The following ZBTB46 variants were observed in gnomAD, a reference collection of about 807,000 sequenced individuals.
ZBTB46 encodes zinc finger and BTB domain containing 46.
ZBTB46 carries 8 observed loss-of-function variants against 44.1 expected under a neutral mutation model. The ratio of observed to expected loss-of-function variants is 0.18; its 90% CI spans 0.11 to 0.33. The LOEUF (loss-of-function observed/expected upper bound fraction) is 0.33. ZBTB46 is among the 10% of genes least tolerant of loss of function. The pLI is 1.00. For missense variants in ZBTB46, 651 were observed against 847.7 expected (o/e 0.77, Z 2.88); for synonymous variants, 409 against 382.3 (o/e 1.07, Z -0.81).
In ZBTB46 at chr20:63,752,977, C is replaced by T; in HGVS notation, c.1223-116G>A. ...GCCAGGACGGGCTGTCTCCCACGGCCACCCACTGGGGGCTGGTCAGCACTG... is the reference window on the plus strand; with the variant it reads ...GCCAGGACGGGCTGTCTCCCACGGCTACCCACTGGGGGCTGGTCAGCACTG... On this transcript the variant is annotated intron_variant, in intron 3 of 4. Transcript: ENST00000245663. This position sits in a 1 kb window ranked among gnomAD's most constrained non-coding sequence, Gnocchi z 5.6. 1 of 1,176,286 alleles carries T rather than the reference C, an allele frequency of 8.5e-7. No homozygotes were observed. The highest frequency in any genetic ancestry group is 1.2e-6 in the Non-Finnish European group (1 of 855,660). 72.9% of individuals were successfully genotyped at this position (1,176,286 alleles called of 1,614,324 possible).
intron 1 of ZBTB46, among the ~76,000 whole-genome samples, chr20:63,822,368 A>G (rs1260136572): frequency 4.6e-5 from 7 of 152,204 alleles, no homozygotes; most frequent in Non-Finnish European, 7.3e-5. Flanking sequence ...CGGGCCCCCA[A>G]TGAGAAAAGC....
At chr20:63,774,510 G>C (rs6122166) in intron 3 of ZBTB46, among the ~76,000 whole-genome samples, 84,767 of 151,698 alleles carry the variant, frequency 0.56, 23,765 homozygotes, top group Admixed American at 0.63. Context: ...CCGCGGAGGT[G>C]GGGGCATCTC....
intron 1 of ZBTB46, among the ~76,000 whole-genome samples, chr20:63,794,612 C>T (rs1010535244): frequency 6.6e-6 from 1 of 152,196 alleles, no homozygotes; most frequent in Admixed American, 6.5e-5. Flanking sequence ...ATTTCAAATT[C>T]AATAATCTCT....
In ZBTB46 at chr20:63,743,964, T is replaced by C. The variant is rs2092061625; in HGVS notation, c.*2966A>G. On this transcript the variant is annotated 3_prime_UTR_variant, in exon 5 of 5. Transcript: ENST00000245663. Reference sequence around the variant, plus strand: ...ATTATCCCCAGAAAAAAATCAACAATCTTCAAACACTGCCCTTTTTTTGTG... The same window carrying C: ...ATTATCCCCAGAAAAAAATCAACAACCTTCAAACACTGCCCTTTTTTTGTG... 6.6e-6 allele frequency: 1 copy of C among 152,616 alleles called. No individual in the cohort carries two copies. The allele number at this position is 152,616 out of a possible 1,614,324, so 9.5% of individuals were successfully genotyped here.
intron 2 of ZBTB46, among the ~76,000 whole-genome samples, chr20:63,779,472 T>G (rs2092452106): frequency 7.2e-6 from 1 of 139,086 alleles, no homozygotes. Flanking sequence ...CAGGCTGGAG[T>G]GCAGTGGCAT....
rs2092181259 is a variant in ZBTB46, at chr20:63,752,713, C to T, written c.1371G>A (p.Arg457=). 2 of 1,602,486 alleles carry T rather than the reference C, an allele frequency of 1.2e-6. No individual in the cohort carries two copies. Among genetic ancestry groups the T allele is most frequent in the African/African-American group, 1.3e-5 (1 of 74,818 alleles). ...PCEICGKKFT[R]REHMKRHTLV... ...GCGTGTGGCGCTTCATGTGCTCGCGCCGCGTGAACTTCTTCCCGCAGATCT... is the reference window on the plus strand; with the variant it reads ...GCGTGTGGCGCTTCATGTGCTCGCGTCGCGTGAACTTCTTCCCGCAGATCT... The change falls in exon 4 of 5, where the codon CGG becomes CGA. Residue 457 remains arginine, a synonymous_variant. Transcript: ENST00000245663. The surrounding 1 kb of genome is among the most constrained non-coding windows in gnomAD (Gnocchi z 5.6).
At position 63,803,004 on chromosome 20, in the gene ZBTB46, C is replaced by G. The variant is rs2092659052; in HGVS notation, c.-33-12214G>C. Among the ~76,000 whole-genome samples the G allele has an allele frequency of 6.6e-6, 1 of 152,180 alleles. No individual in the cohort carries two copies. On this transcript the variant is annotated intron_variant, in intron 1 of 4. Coordinates refer to ENST00000245663, the MANE Select transcript of ZBTB46 (RefSeq NM_001369741.1). This position sits in a 1 kb window ranked among gnomAD's most constrained non-coding sequence, Gnocchi z 4.0. Reference sequence around the variant, plus strand: ...ATGGCAGCCCCAGGTCACTGACGCCCCGTTTCTACCACCAAAGAGCGCGAT... The same window carrying G: ...ATGGCAGCCCCAGGTCACTGACGCCGCGTTTCTACCACCAAAGAGCGCGAT...
chr20:63,832,800 G>A (rs936461161), upstream of ZBTB46, among the ~76,000 whole-genome samples: 1 of 152,150 alleles, frequency 6.6e-6, no homozygotes, highest in Non-Finnish European at 1.5e-5. The surrounding 1 kb of genome is among the most constrained non-coding windows in gnomAD (Gnocchi z 5.0). Context: ...CGGGAAGTGG[G>A]GGCTGAGCAC....
intron 1 of ZBTB46, among the ~76,000 whole-genome samples, chr20:63,799,020 C>T (rs2092624333): frequency 6.6e-6 from 1 of 151,884 alleles, no homozygotes; most frequent in Admixed American, 6.6e-5. Context: ...CTGCTCTCCA[C>T]AATTATTTTG....
chr20:63,831,010 CCCCGGCTCCCGGCT>C (rs905352437), intron 1 of ZBTB46, 73 bp downstream of exon 1: 7 of 142,478 alleles, frequency 4.9e-5, no homozygotes, highest in African/African-American at 1.5e-4. Flanking sequence ...CTCGCAGCGG[CCCCGGCTCCCGGCT>C]CCCGGCTCCG....
intron 2 of ZBTB46, among the ~76,000 whole-genome samples, chr20:63,777,876 C>T (rs753451688): frequency 1.3e-5 from 2 of 152,132 alleles, no homozygotes; most frequent in Non-Finnish European, 2.9e-5. Flanking sequence ...GCTCAGCGGA[C>T]GAAGCCAGAC....
At position 63,746,510 on chromosome 20, in the gene ZBTB46, T is replaced by C. The variant is rs955109819; in HGVS notation, c.*420A>G. On this transcript the variant is annotated 3_prime_UTR_variant, in exon 5 of 5. Coordinates refer to ENST00000245663, the MANE Select transcript of ZBTB46 (RefSeq NM_001369741.1). The stretch of plus-strand genomic sequence containing the variant: ...GCGGGCTCCAGCCGGGCTGACCGGG[T>C]GTCTGTAAAACTCTGCACCTGCTCA... The C allele has an allele frequency of 1.2e-4, 20 of 171,778 alleles. No homozygotes were observed. Among genetic ancestry groups the C allele is most frequent in the Middle Eastern group, 2.6e-3 (1 of 392 alleles). 10.6% of individuals were successfully genotyped at this position (171,778 alleles called of 1,614,324 possible).
intron 3 of ZBTB46, among the ~76,000 whole-genome samples, chr20:63,770,617 C>T (rs1468055204): frequency 6.6e-6 from 1 of 152,226 alleles, no homozygotes; most frequent in Non-Finnish European, 1.5e-5. Flanking sequence ...TGCTGGCCTG[C>T]TGCCTGCATA....
At chr20:63,765,270 A>G (rs1233800896) in intron 3 of ZBTB46, among the ~76,000 whole-genome samples, 1 of 152,030 alleles carries the variant, frequency 6.6e-6, no homozygotes, top group Non-Finnish European at 1.5e-5. Flanking sequence ...CTATCTGTAC[A>G]CTGCCGTCCG....
At chr20:63,795,576 G>A (rs1057161616) in intron 1 of ZBTB46, among the ~76,000 whole-genome samples, 1 of 152,224 alleles carries the variant, frequency 6.6e-6, no homozygotes, top group Non-Finnish European at 1.5e-5. Context: ...CGAACTGAGG[G>A]CCTCAAAACC....
At chr20:63,791,495 C>CAAAAAA (rs59810640) in intron 1 of ZBTB46, among the ~76,000 whole-genome samples, 2 of 61,180 alleles carry the variant, frequency 3.3e-5, no homozygotes, top group Admixed American at 1.7e-4. Context: ...GACTCCATCT[C>CAAAAAA]AAAAAAAAAA....
intron 2 of ZBTB46, among the ~76,000 whole-genome samples, chr20:63,779,774 G>C (rs2092454549): frequency 6.6e-6 from 1 of 151,668 alleles, no homozygotes; most frequent in Non-Finnish European, 1.5e-5. Context: ...TGGTCAGGCT[G>C]GTCTCAAACT....
In ZBTB46 at chr20:63,790,038, C is replaced by T; in HGVS notation, c.720G>A (p.Gly240=). The T allele has an allele frequency of 6.2e-7, 1 of 1,614,008 alleles. No individual in the cohort carries two copies. Among genetic ancestry groups the T allele is most frequent in the Non-Finnish European group, 8.5e-7 (1 of 1,179,936 alleles). Residue 240 remains glycine, a synonymous_variant, in exon 2 of 5, where the codon GGG becomes GGA. Transcript: ENST00000245663. ...CGTCCTTGGCAGAAGGCAGCTCGCT[C>T]CCTCCGTACTGAGACGGTGAAACCT... The part of the protein sequence containing the change: ...EEQVSPSQYG[G]SELPSAKDGA...
At position 63,771,211 on chromosome 20, in the gene ZBTB46, C is replaced by T. The variant is rs559008370; in HGVS notation, c.1222+4467G>A. On this transcript the variant is annotated intron_variant, in intron 3 of 4. Coordinates refer to ENST00000245663, the MANE Select transcript of ZBTB46 (RefSeq NM_001369741.1). The stretch of plus-strand genomic sequence containing the variant: ...TCTTCTTCTCTCTTCCGACAGGGAG[C>T]GGAGGAGAGAGGAGCCGGCGGCCCC... 1.0e-3 allele frequency among the ~76,000 whole-genome samples: 156 copies of T among 152,318 alleles called. 1 individual carries two copies. The South Asian group carries it at 0.012, about 11-fold the overall frequency.
Sources: allele counts gnomAD v4.1 joint callset (sites outside exome capture counted in the v4.1 genomes callset), GRCh38; gene constraint gnomAD v4.1.1; non-coding constraint Gnocchi (gnomAD v3.1); transcripts MANE v1.5; gene names NCBI Gene and HGNC (gene_info 2026-07-23, HGNC 2026-07-21).